The following STARD8 variants were observed in gnomAD, a reference collection of about 807,000 sequenced individuals.
The protein encoded by STARD8 is stAR-related lipid transfer protein 8.
STARD8 carries 25 observed loss-of-function variants against 69.4 expected under a neutral mutation model. The ratio of observed to expected loss-of-function variants is 0.36; its 90% CI spans 0.26 to 0.50. The LOEUF (loss-of-function observed/expected upper bound fraction) is 0.50, where lower values mean the gene tolerates loss of function less well. Ranked by LOEUF, STARD8 falls within the 20% of genes least tolerant of loss-of-function variation. STARD8 has a pLI of 0.96. For missense variants in STARD8, 921 were observed against 932.5 expected (o/e 0.99, Z 0.16); for synonymous variants, 389 against 374.6 (o/e 1.04, Z -0.45).
chrX:68,693,634 C>T (rs749789266), intron 2 of STARD8: 43 of 753,400 alleles, frequency 5.7e-5, no homozygotes, highest in East Asian at 1.5e-4. Context: ...GCTCCCTCCC[C>T]ACTTGAGCTG....
intron 7 of STARD8, among the ~76,000 whole-genome samples, chrX:68,719,997 G>A (rs1206327301): frequency 8.9e-6 from 1 of 112,187 alleles, no homozygotes; most frequent in Non-Finnish European, 1.9e-5. Flanking sequence ...CTCCCTCAAT[G>A]GGTCTTCCCC....
intron 2 of STARD8, among the ~76,000 whole-genome samples, chrX:68,687,635 G>C (rs1005047270): frequency 8.9e-6 from 1 of 112,219 alleles, no homozygotes; most frequent in African/African-American, 3.2e-5. Context: ...TACTTATGGG[G>C]ACACTGAGAG....
At position 68,721,758 on chromosome X, in the gene STARD8, C is replaced by T; in HGVS notation, c.2459+12C>T. ...AGCCCCTCTCCCAGGTGAAATGGTG[C>T]ACGGCATGTCAGGGCCGGGCTGGGT... On this transcript the variant is annotated intron_variant, in intron 10 of 14. Coordinates refer to ENST00000374599, the MANE Select transcript of STARD8 (RefSeq NM_001142503.3). The T allele has an allele frequency of 3.3e-6, 4 of 1,200,557 alleles. No individual in the cohort carries two copies. Among genetic ancestry groups the T allele is most frequent in the Non-Finnish European group, 4.5e-6 (4 of 887,796 alleles).
chrX:68,714,952 G>A (rs1035463686), intron 3 of STARD8, among the ~76,000 whole-genome samples: 5 of 111,627 alleles, frequency 4.5e-5, no homozygotes, highest in Non-Finnish European at 3.8e-5. Flanking sequence ...TTGGGCCAAG[G>A]AGAAGTTTCC....
At position 68,725,555 on chromosome X, in the gene STARD8, AATAT is replaced by A. The variant is rs771897636; in HGVS notation, c.*1154_*1157del. On this transcript the variant is annotated 3_prime_UTR_variant, in exon 15 of 15. Transcript: ENST00000374599. ...TTGTACCTGTAAATACTGTACAGCT[AATAT>A]ATATATATATATATATATATGTGTG... 49 of 93,485 alleles carry A rather than the reference AATAT, an allele frequency of 5.2e-4. No homozygotes were observed. The highest frequency in any genetic ancestry group is 5.7e-3 in the Middle Eastern group (1 of 176). 7.7% of individuals were successfully genotyped at this position (93,485 alleles called of 1,213,427 possible).
intron 6 of STARD8, 79 bp downstream of exon 6, chrX:68,718,708 G>A: frequency 9.0e-7 from 1 of 1,108,927 alleles, no homozygotes; most frequent in Non-Finnish European, 1.2e-6. Context: ...TCTCAGTCAT[G>A]AGGCCCAGGG....
intron 2 of STARD8, among the ~76,000 whole-genome samples, chrX:68,687,613 ACT>A (rs1448174808): frequency 1.8e-5 from 2 of 111,540 alleles, no homozygotes; most frequent in Non-Finnish European, 3.8e-5. Flanking sequence ...CTGAGAACAG[ACT>A]CTCTGATTGT....
At chrX:68,651,384 G>A (rs756712048) in intron 1 of STARD8, among the ~76,000 whole-genome samples, 1 of 112,728 alleles carries the variant, frequency 8.9e-6, no homozygotes, top group African/African-American at 3.2e-5. Context: ...CTTGGACTGC[G>A]TGCTCCCTTT....
chrX:68,655,093 G>A (rs6653262), intron 1 of STARD8, among the ~76,000 whole-genome samples: 9,339 of 111,177 alleles, frequency 0.084, 559 homozygotes, highest in African/African-American at 0.22. Flanking sequence ...GAGACTCCTC[G>A]ATGCCATCAC....
intron 1 of STARD8, among the ~76,000 whole-genome samples, chrX:68,649,606 T>G (rs186335589): frequency 3.6e-5 from 4 of 111,500 alleles, no homozygotes; most frequent in Non-Finnish European, 5.6e-5. Context: ...ATTCAAATGA[T>G]CTTTCTCCTA....
In STARD8 at chrX:68,724,363, G is replaced by A. The variant is rs774562080; in HGVS notation, c.3253G>A (p.Ala1085Thr). ...VFGHLCAMEV[A>T]KIRDSFPTLQ... is the part of the protein sequence containing the mutation. Reference sequence around the variant, plus strand: ...TGGACACCTGTGTGCCATGGAAGTGGCAAAGATCCGGGACTCCTTCCCCAC... The same window carrying A: ...TGGACACCTGTGTGCCATGGAAGTGACAAAGATCCGGGACTCCTTCCCCAC... The change falls in exon 15 of 15, where the codon GCA becomes ACA. Residue 1085 changes from alanine to threonine, a missense_variant. Transcript: ENST00000374599. 2.5e-6 allele frequency: 3 copies of A among 1,207,842 alleles called. No individual in the cohort carries two copies. The highest frequency in any genetic ancestry group is 3.4e-6 in the Non-Finnish European group (3 of 893,485).
chrX:68,723,383 G>A (rs770233858), intron 12 of STARD8, among the ~76,000 whole-genome samples: 19 of 112,776 alleles, frequency 1.7e-4, no homozygotes, highest in Non-Finnish European at 2.6e-4. Context: ...AGAGGCCTCT[G>A]AGAATGTGTG....
At chrX:68,706,378 GA>G (rs1249064213) in intron 2 of STARD8, among the ~76,000 whole-genome samples, 3 of 111,953 alleles carry the variant, frequency 2.7e-5, no homozygotes, top group Non-Finnish European at 5.6e-5. Flanking sequence ...AGAGCAGCAG[GA>G]GCAGAGAGAG....
Position 68,717,809 on chromosome X carries a change from G to T in STARD8, c.895G>T (p.Val299Leu). Residue 299 changes from valine (V) to leucine (L), a missense_variant, in exon 6 of 15, where the codon GTG becomes TTG. Transcript: ENST00000374599. ...PQWTHRGDCL[V>L]HVPGDHKPGT... Reference sequence around the variant, plus strand: ...GTGGACACACCGGGGTGATTGCCTGGTGCACGTTCCTGGGGACCACAAACC... The same window carrying T: ...GTGGACACACCGGGGTGATTGCCTGTTGCACGTTCCTGGGGACCACAAACC... The T allele has an allele frequency of 8.3e-7, 1 of 1,211,513 alleles. No homozygotes were observed. The highest frequency in any genetic ancestry group is 1.8e-5 in the South Asian group (1 of 56,875).
chrX:68,719,504 C>T, intron 7 of STARD8, 106 bp downstream of exon 7: 2 of 919,536 alleles, frequency 2.2e-6, no homozygotes, highest in East Asian at 7.4e-5. Flanking sequence ...GGCCCACAGG[C>T]CAGGGGAGCG....
In STARD8 at chrX:68,690,441, G is replaced by T. The variant is rs1381570259; in HGVS notation, c.80-22473G>T. ...CCATTCCCAGGCAGGCAGGGCGGGG[G>T]GACTGTTGGGAGTCCTCAGGTAGGC... On this transcript the variant is annotated intron_variant, in intron 2 of 14. Transcript: ENST00000374599. 2.7e-5 allele frequency among the ~76,000 whole-genome samples: 3 copies of T among 110,094 alleles called. No homozygotes were observed. In the East Asian group the frequency reaches 8.6e-4, roughly 32 times the overall value.
intron 2 of STARD8, among the ~76,000 whole-genome samples, chrX:68,680,171 T>C (rs1032336421): frequency 3.6e-5 from 4 of 111,840 alleles, no homozygotes; most frequent in African/African-American, 1.3e-4. Context: ...TGACCTGATC[T>C]CGTGAGCTAC....
Position 68,722,559 on chromosome X carries a change from C to T in STARD8, c.2712C>T (p.Ile904=), listed in dbSNP as rs1347266363. 2 of 1,211,902 alleles carry T rather than the reference C, an allele frequency of 1.7e-6. No individual in the cohort carries two copies. Among genetic ancestry groups the T allele is most frequent in the Non-Finnish European group, 2.2e-6 (2 of 895,592 alleles). ...TGAGCCTCTACATGGAAGAGAATAT[C>T]CAGGACCTGCTGCGTGATGCTGCTG... is the stretch of plus-strand genomic sequence containing the variant. The part of the protein sequence containing the change: ...VSLSLYMEEN[I]QDLLRDAAER... Residue 904 remains isoleucine (I), a synonymous_variant, in exon 12 of 15, where the codon ATC becomes ATT. Transcript: ENST00000374599.
chrX:68,680,788 G>A (rs1362184060), intron 2 of STARD8, among the ~76,000 whole-genome samples: 1 of 110,987 alleles, frequency 9.0e-6, no homozygotes, highest in African/African-American at 3.3e-5. Flanking sequence ...GATAAAGGCA[G>A]AAGGAATTAG....
Sources: gnomAD v4.1 joint callset for allele counts (sites outside exome capture counted in the v4.1 genomes callset) on GRCh38, gnomAD v4.1.1 for gene constraint, MANE v1.5 for transcripts, NCBI Gene and HGNC (gene_info 2026-07-23, HGNC 2026-07-21) for gene names.